Variants in USP6NL observed in about 807,000 individuals in gnomAD.
USP6NL encodes USP6 N-terminal like, also known as USP6 N-terminal-like protein.
USP6NL carries 26 observed loss-of-function variants against 61.9 expected under a neutral mutation model. The ratio of observed to expected loss-of-function variants is 0.42; its 90% CI spans 0.31 to 0.58. The LOEUF is 0.58. Ranked by LOEUF, USP6NL falls within the 20% of genes least tolerant of loss-of-function variation. The pLI is 0.16. For synonymous variants in USP6NL, 432 were observed against 390.1 expected (o/e 1.11, Z -1.27); for missense variants, 1,114 against 1,034.3 (o/e 1.08, Z -1.06).
In USP6NL at chr10:11,528,141, AC is replaced by A; in HGVS notation, c.5-575del. The stretch of plus-strand genomic sequence containing the variant: ...GACACACACACAGACACACACACAC[AC>A]ACACACACACACACACACCCTTCAT... On this transcript the variant is annotated intron_variant, in intron 2 of 14. Transcript: ENST00000609104. This position sits in a 1 kb window ranked among gnomAD's most constrained non-coding sequence, Gnocchi z 4.6. Among the ~76,000 whole-genome samples, 1 of 151,840 alleles carries A rather than the reference AC, an allele frequency of 6.6e-6. No individual in the cohort carries two copies. Among genetic ancestry groups the A allele is most frequent in the East Asian group, 1.9e-4 (1 of 5,178 alleles).
chr10:11,609,891 T>C (rs900960048), intron 1 of USP6NL, among the ~76,000 whole-genome samples: 2 of 152,204 alleles, frequency 1.3e-5, no homozygotes, highest in African/African-American at 4.8e-5. Flanking sequence ...AGGAGCTATT[T>C]GCATGTCAAA....
intron 2 of USP6NL, among the ~76,000 whole-genome samples, chr10:11,538,592 T>C (rs1835930576): frequency 6.6e-6 from 1 of 152,172 alleles, no homozygotes. Context: ...ATTTAATATA[T>C]CAACGTATGC....
In USP6NL at chr10:11,489,696, C is replaced by G. The variant is rs1009485230; in HGVS notation, c.544-474G>C. ...AAGAAATACCCACTCTCCCCATAGT[C>G]CCTGCTTATGATGTGGCCTTAAGGA... is the stretch of plus-strand genomic sequence containing the variant. On this transcript the variant is annotated intron_variant, in intron 9 of 14. Transcript: ENST00000609104. This position sits in a 1 kb window ranked among gnomAD's most constrained non-coding sequence, Gnocchi z 5.7. Among the ~76,000 whole-genome samples the G allele has an allele frequency of 6.6e-6, 1 of 152,166 alleles. No individual in the cohort carries two copies. Among genetic ancestry groups the G allele is most frequent in the Non-Finnish European group, 1.5e-5 (1 of 68,034 alleles).
Position 11,587,234 on chromosome 10 carries a change from A to G in USP6NL, c.4+10397T>C. On this transcript the variant is annotated intron_variant, in intron 2 of 14. Coordinates refer to ENST00000609104, the MANE Select transcript of USP6NL (RefSeq NM_014688.5). The surrounding 1 kb of genome is among the most constrained non-coding windows in gnomAD (Gnocchi z 4.5). ...AAACAATTATTATTTATTCAAAATT[A>G]CAATTCTCTCCCTTAAAACTTGTTT... 6.6e-6 allele frequency among the ~76,000 whole-genome samples: 1 copy of G among 152,232 alleles called. No homozygotes were observed. The highest frequency in any genetic ancestry group is 1.9e-4 in the East Asian group (1 of 5,206).
At chr10:11,557,514 T>C (rs1224471651) in intron 2 of USP6NL, among the ~76,000 whole-genome samples, 2 of 152,238 alleles carry the variant, frequency 1.3e-5, no homozygotes, top group Non-Finnish European at 1.5e-5. Flanking sequence ...TGATTTTAAA[T>C]GCAAATTTTA....
rs1047194288 is a variant in USP6NL, at chr10:11,518,963, T to C, written c.156-389A>G. ...TTTCCATCACTGCAGAAAGGTCCAC[T>C]GGACAGCACTGCTCCAGACTAGGAG... is the stretch of plus-strand genomic sequence containing the variant. On this transcript the variant is annotated intron_variant, in intron 4 of 14. Coordinates refer to ENST00000609104, the MANE Select transcript of USP6NL (RefSeq NM_014688.5). This position sits in a 1 kb window ranked among gnomAD's most constrained non-coding sequence, Gnocchi z 5.3. 6.6e-6 allele frequency among the ~76,000 whole-genome samples: 1 copy of C among 152,248 alleles called. No homozygotes were observed. The highest frequency in any genetic ancestry group is 1.5e-5 in the Non-Finnish European group (1 of 68,042).
rs1833194880 is a variant in USP6NL, at chr10:11,481,450, A to C, written c.1078+320T>G. Among the ~76,000 whole-genome samples the C allele has an allele frequency of 6.6e-6, 1 of 152,000 alleles. No individual in the cohort carries two copies. On this transcript the variant is annotated intron_variant, in intron 14 of 14. Transcript: ENST00000609104. The surrounding 1 kb of genome is among the most constrained non-coding windows in gnomAD (Gnocchi z 4.4). Reference sequence around the variant, plus strand: ...TTTCACAAAATGAGATGAAGAAAGCAAAAAAAAGCTTATTGTTATGCTCGT... The same window carrying C: ...TTTCACAAAATGAGATGAAGAAAGCCAAAAAAAGCTTATTGTTATGCTCGT...
Position 11,574,049 on chromosome 10 carries a change from A to T in USP6NL, c.4+23582T>A, listed in dbSNP as rs1566191266. ...AACATTTTCTCACAAAAGCCATGAC[A>T]GAAAAAATAAAGTGCTCTGCTATAA... On this transcript the variant is annotated intron_variant, in intron 2 of 14. Coordinates refer to ENST00000609104, the MANE Select transcript of USP6NL (RefSeq NM_014688.5). This position sits in a 1 kb window ranked among gnomAD's most constrained non-coding sequence, Gnocchi z 4.3. Among the ~76,000 whole-genome samples, 1 of 152,244 alleles carries T rather than the reference A, an allele frequency of 6.6e-6. No homozygotes were observed. Among genetic ancestry groups the T allele is most frequent in the Admixed American group, 6.5e-5 (1 of 15,280 alleles).
intron 2 of USP6NL, among the ~76,000 whole-genome samples, chr10:11,534,229 A>G (rs1835755369): frequency 6.6e-6 from 1 of 152,208 alleles, no homozygotes; most frequent in South Asian, 2.1e-4. Context: ...CCCATTGGCT[A>G]TCCATCTCCA....
rs1838551995 is a variant in USP6NL at position 11,602,081 on chromosome 10, A to T, written c.-83-4364T>A. ...CATATACATACATATACACACACACACACGTCCAAATAACAAGGGATTGAC... is the reference window on the plus strand; with the variant it reads ...CATATACATACATATACACACACACTCACGTCCAAATAACAAGGGATTGAC... On this transcript the variant is annotated intron_variant, in intron 1 of 14. Coordinates refer to ENST00000609104, the MANE Select transcript of USP6NL (RefSeq NM_014688.5). This position sits in a 1 kb window ranked among gnomAD's most constrained non-coding sequence, Gnocchi z 4.8. 6.6e-6 allele frequency among the ~76,000 whole-genome samples: 1 copy of T among 152,240 alleles called. No individual in the cohort carries two copies. The highest frequency in any genetic ancestry group is 2.1e-4 in the South Asian group (1 of 4,836).
At position 11,513,421 on chromosome 10, in the gene USP6NL, C is replaced by T. The variant is rs140507872; in HGVS notation, c.196-3746G>A. ...GCTGATGTTAACAGCCTATATGAAA[C>T]TGATATTAAATAATTCTGTTGGCTT... On this transcript the variant is annotated intron_variant, in intron 5 of 14. Transcript: ENST00000609104. The surrounding 1 kb of genome is among the most constrained non-coding windows in gnomAD (Gnocchi z 4.7). 2.6e-5 allele frequency among the ~76,000 whole-genome samples: 4 copies of T among 152,322 alleles called. No individual in the cohort carries two copies. The East Asian group carries it at 7.7e-4, about 29-fold the overall frequency.
At chr10:11,543,082 A>G (rs1055952641) in intron 2 of USP6NL, among the ~76,000 whole-genome samples, 1 of 152,226 alleles carries the variant, frequency 6.6e-6, no homozygotes. Context: ...CTAACGTATC[A>G]TTATTACCTG....
In USP6NL at chr10:11,598,876, C is replaced by G. The variant is rs923756; in HGVS notation, c.-83-1159G>C. On this transcript the variant is annotated intron_variant, in intron 1 of 14. Transcript: ENST00000609104. This position sits in a 1 kb window ranked among gnomAD's most constrained non-coding sequence, Gnocchi z 4.7. ...ACAGACTGCATCAGCACTTACGTGC[C>G]CAGCATGGCCCGCACACTGTAATTA... Among the ~76,000 whole-genome samples the G allele has an allele frequency of 0.97, 147,432 of 152,340 alleles. 71,429 individuals carry two copies. The highest frequency in any genetic ancestry group is 1 in the East Asian group (5,194 of 5,194).
In USP6NL at chr10:11,537,471, C is replaced by G. The variant is rs1193901816; in HGVS notation, c.5-9904G>C. On this transcript the variant is annotated intron_variant, in intron 2 of 14. Transcript: ENST00000609104. This position sits in a 1 kb window ranked among gnomAD's most constrained non-coding sequence, Gnocchi z 5.1. ...AATCAAAGTGTTCAAAAGAAATAAG[C>G]CTAAATGTTCTTCAATTTTAACTTT... is the stretch of plus-strand genomic sequence containing the variant. Among the ~76,000 whole-genome samples, 1 of 152,094 alleles carries G rather than the reference C, an allele frequency of 6.6e-6. No individual in the cohort carries two copies. The highest frequency in any genetic ancestry group is 2.4e-5 in the African/African-American group (1 of 41,422).
In USP6NL at chr10:11,562,868, T is replaced by C. The variant is rs1185363750; in HGVS notation, c.4+34763A>G. 1.3e-6 allele frequency: 1 copy of C among 770,832 alleles called. No homozygotes were observed. Among genetic ancestry groups the C allele is most frequent in the Admixed American group, 6.3e-5 (1 of 15,988 alleles). The allele number at this position is 770,832 out of a possible 1,614,324, so 47.7% of individuals were successfully genotyped here. A position where few individuals can be genotyped will look rare whatever the true frequency, so the allele number is the denominator to read the frequency against. The stretch of plus-strand genomic sequence containing the variant: ...GTCTTTTGGTAGTTTCTTGAAAAAG[T>C]AGACATCCACTTACCATGCAATCTA... On this transcript the variant is annotated intron_variant, in intron 2 of 14. Coordinates refer to ENST00000609104, the MANE Select transcript of USP6NL (RefSeq NM_014688.5). The surrounding 1 kb of genome is among the most constrained non-coding windows in gnomAD (Gnocchi z 4.8).
At chr10:11,603,553 T>C (rs1311920548) in intron 1 of USP6NL, among the ~76,000 whole-genome samples, 6 of 152,174 alleles carry the variant, frequency 3.9e-5, no homozygotes, top group Non-Finnish European at 8.8e-5. Context: ...ATAAGCACTA[T>C]AGCAGACACC....
rs1460847268 is a variant in USP6NL, at chr10:11,589,828, T to C, written c.4+7803A>G. Among the ~76,000 whole-genome samples, 7 of 152,232 alleles carry C rather than the reference T, an allele frequency of 4.6e-5. No homozygotes were observed. The highest frequency in any genetic ancestry group is 1.7e-4 in the African/African-American group (7 of 41,452). ...CTTTTTATATTTTATTGTTTAAAGCTTAACACCTGAATGCTACCAATGTGT... is the reference window on the plus strand; with the variant it reads ...CTTTTTATATTTTATTGTTTAAAGCCTAACACCTGAATGCTACCAATGTGT... On this transcript the variant is annotated intron_variant, in intron 2 of 14. Coordinates refer to ENST00000609104, the MANE Select transcript of USP6NL (RefSeq NM_014688.5). The surrounding 1 kb of genome is among the most constrained non-coding windows in gnomAD (Gnocchi z 4.7).
At chr10:11,571,747 G>GT (rs1837371005) in intron 2 of USP6NL, among the ~76,000 whole-genome samples, 1 of 149,568 alleles carries the variant, frequency 6.7e-6, no homozygotes, top group South Asian at 2.1e-4. Flanking sequence ...TTGGTAAGAT[G>GT]TAACAATATT....
intron 2 of USP6NL, among the ~76,000 whole-genome samples, chr10:11,535,180 T>G (rs531071839): frequency 4.9e-4 from 75 of 152,312 alleles, no homozygotes; most frequent in African/African-American, 1.8e-3. Flanking sequence ...GGGCCCTGTT[T>G]GTGGCATCTG....
Sources: gnomAD v4.1 joint callset for allele counts (sites outside exome capture counted in the v4.1 genomes callset) on GRCh38, gnomAD v4.1.1 for gene constraint, Gnocchi (gnomAD v3.1) non-coding constraint, MANE v1.5 for transcripts, NCBI Gene and HGNC (gene_info 2026-07-23, HGNC 2026-07-21) for gene names.